Variants in MYO16 observed in about 807,000 individuals in gnomAD.
The protein encoded by MYO16 is myosin XVI.
A neutral mutation model predicts 205.3 loss-of-function variants in MYO16; 94 were observed. The observed-to-expected ratio is 0.46, with a 90% CI of 0.39 to 0.54. The LOEUF (loss-of-function observed/expected upper bound fraction) is 0.54, where lower values mean the gene tolerates loss of function less well. Ranked by LOEUF, MYO16 falls within the 20% of genes least tolerant of loss-of-function variation. MYO16 has a pLI of 0.00. For synonymous variants in MYO16, 988 were observed against 954.0 expected (o/e 1.04, Z -0.66); for missense variants, 2,315 against 2,387.5 (o/e 0.97, Z 0.63).
intron 23 of MYO16, among the ~76,000 whole-genome samples, chr13:109,022,266 T>A (rs536352147): frequency 2.3e-5 from 3 of 131,502 alleles, no homozygotes; most frequent in South Asian, 2.2e-4. Context: ...TATATATACA[T>A]ATACATATTT....
Position 109,055,328 on chromosome 13 carries a change from G to A in MYO16, c.3130-62G>A. On this transcript the variant is annotated intron_variant, in intron 26 of 34. Coordinates refer to ENST00000457511, the MANE Select transcript of MYO16 (RefSeq NM_001198950.3). This position sits in a 1 kb window ranked among gnomAD's most constrained non-coding sequence, Gnocchi z 5.0. Reference sequence around the variant, plus strand: ...CGTAAAGACTTTTTATTTAAAAACTGCTTTATATTTTTAGCTAGTGTCTCC... The same window carrying A: ...CGTAAAGACTTTTTATTTAAAAACTACTTTATATTTTTAGCTAGTGTCTCC... 1.5e-6 allele frequency: 2 copies of A among 1,361,158 alleles called. No homozygotes were observed. Among genetic ancestry groups the A allele is most frequent in the South Asian group, 2.6e-5 (2 of 78,270 alleles). 84.3% of individuals were successfully genotyped at this position (1,361,158 alleles called of 1,614,324 possible). A position where few individuals can be genotyped will look rare whatever the true frequency, so the allele number is the denominator to read the frequency against.
chr13:108,883,043 C>T lies in MYO16; in HGVS notation c.1426-16C>T. 1 of 1,613,148 alleles carries T rather than the reference C, an allele frequency of 6.2e-7. No individual in the cohort carries two copies. The highest frequency in any genetic ancestry group is 1.1e-5 in the South Asian group (1 of 90,950). ...TTTCACTGAGGTTTTCCCCTTGCTG[C>T]TGCCCTGTTTTCCAGGTGTCCCAGC... On this transcript the variant is annotated splice_polypyrimidine_tract_variant and intron_variant, in intron 12 of 34. Coordinates refer to ENST00000457511, the MANE Select transcript of MYO16 (RefSeq NM_001198950.3).
intron 12 of MYO16, among the ~76,000 whole-genome samples, chr13:108,874,625 G>A (rs2139146763): frequency 6.6e-6 from 1 of 151,802 alleles, no homozygotes; most frequent in East Asian, 1.9e-4. Context: ...TGCAGCTCCA[G>A]AGCGAATGCT....
At chr13:109,075,781 T>A (rs1424255066) in intron 27 of MYO16, among the ~76,000 whole-genome samples, 1 of 152,218 alleles carries the variant, frequency 6.6e-6, no homozygotes. Flanking sequence ...TTTCGAGTTC[T>A]TTATATATTC....
chr13:108,957,850 T>G (rs760852275), intron 17 of MYO16, 51 bp downstream of exon 17: 25 of 1,371,412 alleles, frequency 1.8e-5, no homozygotes, highest in Non-Finnish European at 2.6e-5. Flanking sequence ...TCTACTAATT[T>G]ATAAAAGTTA....
chr13:108,642,614 C>T (rs1306617834), intron 1 of MYO16, among the ~76,000 whole-genome samples: 1 of 152,040 alleles, frequency 6.6e-6, no homozygotes, highest in Admixed American at 6.6e-5. Context: ...GACAGGGTTT[C>T]ACCATGTTGG....
chr13:108,694,355 T>C (rs1360087651), intron 2 of MYO16, among the ~76,000 whole-genome samples: 1 of 152,224 alleles, frequency 6.6e-6, no homozygotes, highest in East Asian at 1.9e-4. Context: ...TAATAACTAC[T>C]AAACTGTTTT....
intron 1 of MYO16, chr13:108,659,444 G>A (rs1298507252): frequency 5.5e-6 from 2 of 365,402 alleles, no homozygotes; most frequent in African/African-American, 4.4e-5. Flanking sequence ...CTGAGCAGGG[G>A]CTTCTGGCCA....
chr13:109,112,694 G>C (rs1205489114), intron 28 of MYO16, among the ~76,000 whole-genome samples: 1 of 152,126 alleles, frequency 6.6e-6, no homozygotes, highest in African/African-American at 2.4e-5. Flanking sequence ...GAAGGAGGTT[G>C]TGGTGAGCCG....
At chr13:108,788,593 G>A (rs1594294514) in intron 5 of MYO16, among the ~76,000 whole-genome samples, 2 of 152,084 alleles carry the variant, frequency 1.3e-5, no homozygotes, top group East Asian at 1.9e-4. Flanking sequence ...ATTCACTGTC[G>A]TTTCTTCTTT....
intron 23 of MYO16, among the ~76,000 whole-genome samples, chr13:109,032,714 C>A (rs77269505): frequency 0.013 from 1,928 of 152,282 alleles, 39 homozygotes; most frequent in African/African-American, 0.044. Flanking sequence ...TACTGACAGA[C>A]ACACATGCAT....
chr13:108,700,115 T>C (rs1275381901), intron 2 of MYO16, among the ~76,000 whole-genome samples: 3 of 152,012 alleles, frequency 2.0e-5, no homozygotes, highest in Admixed American at 1.3e-4. Flanking sequence ...GGTGGATCAC[T>C]TGAGGCCAGG....
At chr13:108,502,556 AC>A in the MYO16 span, among the ~76,000 whole-genome samples, 6 of 151,870 alleles carry the variant, frequency 4.0e-5, no homozygotes, top group African/African-American at 1.4e-4. Context: ...AATGTTGAAA[AC>A]ATTTTAATGT....
At position 108,983,030 on chromosome 13, in the gene MYO16, C is replaced by T. The variant is rs11840789; in HGVS notation, c.2370-9346C>T. On this transcript the variant is annotated intron_variant, in intron 20 of 34. Transcript: ENST00000457511. ...AAAAAAAACCTTTTCAATTGATATC[C>T]GTCTCCCGACTGCCAGTAATATTTG... 4.1e-3 allele frequency among the ~76,000 whole-genome samples: 617 copies of T among 152,110 alleles called. 2 individuals are homozygous for T. Among genetic ancestry groups the T allele is most frequent in the African/African-American group, 0.014 (581 of 41,500 alleles).
chr13:108,733,640 T>TA, intron 4 of MYO16, among the ~76,000 whole-genome samples: 1 of 152,168 alleles, frequency 6.6e-6, no homozygotes, highest in Non-Finnish European at 1.5e-5. Context: ...CTTGATTATT[T>TA]AAAATTGGGG....
At chr13:108,807,606 A>T (rs1404291657) in intron 7 of MYO16, among the ~76,000 whole-genome samples, 3 of 152,016 alleles carry the variant, frequency 2.0e-5, no homozygotes, top group Non-Finnish European at 4.4e-5. Flanking sequence ...TGTTTTTAGG[A>T]ATGTGTCAGT....
chr13:108,988,213 G>A (rs1483333676), intron 20 of MYO16, among the ~76,000 whole-genome samples: 3 of 152,130 alleles, frequency 2.0e-5, no homozygotes, highest in African/African-American at 7.2e-5. Context: ...ATCAATAAGG[G>A]GAATGACAGT....
At chr13:108,830,465 A>T (rs1876545810) in intron 9 of MYO16, among the ~76,000 whole-genome samples, 1 of 151,828 alleles carries the variant, frequency 6.6e-6, no homozygotes, top group Admixed American at 6.6e-5. Flanking sequence ...TTGTAGGGAC[A>T]TGGATGAAAT....
At chr13:108,531,162 G>C in the MYO16 span, among the ~76,000 whole-genome samples, 2 of 152,314 alleles carry the variant, frequency 1.3e-5, no homozygotes, top group Middle Eastern at 3.4e-3. Context: ...GGAGAAGATA[G>C]TTTAAGGTGA....
Sources: gnomAD v4.1 joint callset for allele counts (sites outside exome capture counted in the v4.1 genomes callset) on GRCh38, gnomAD v4.1.1 for gene constraint, Gnocchi (gnomAD v3.1) non-coding constraint, MANE v1.5 for transcripts, NCBI Gene and HGNC (gene_info 2026-07-23, HGNC 2026-07-21) for gene names.